Variants in ARHGEF4 observed in about 807,000 individuals in gnomAD.
The protein encoded by ARHGEF4 is Rho guanine nucleotide exchange factor 4, also known as APC-stimulated guanine nucleotide exchange factor 1.
In ARHGEF4, 119 loss-of-function variants were observed where a neutral mutation model predicts 162.0. The observed-to-expected ratio is 0.73, with a 90% CI of 0.63 to 0.86. The LOEUF (loss-of-function observed/expected upper bound fraction) is 0.86, where lower values mean the gene tolerates loss of function less well. ARHGEF4 is among the 40% of genes least tolerant of loss of function. The probability of loss-of-function intolerance (pLI) is 0.00; values close to 1 mark genes in which losing one functional copy is unlikely to be tolerated. For synonymous variants in ARHGEF4, 1,014 were observed against 979.9 expected (o/e 1.03, Z -0.65); for missense variants, 2,488 against 2,456.0 (o/e 1.01, Z -0.28).
chr2:130,905,571 C>T (rs1680765552), intron 1 of ARHGEF4, among the ~76,000 whole-genome samples: 2 of 151,616 alleles, frequency 1.3e-5, no homozygotes, highest in South Asian at 4.2e-4. Context: ...TTTTCTCCCC[C>T]ATTTTGCATT....
At chr2:131,033,743 C>A (rs750765061) in intron 5 of ARHGEF4, among the ~76,000 whole-genome samples, 1 of 152,134 alleles carries the variant, frequency 6.6e-6, no homozygotes, top group Admixed American at 6.5e-5. Context: ...AAGAACTGGG[C>A]ATGAGCAGTA....
chr2:130,896,806 G>GAGC (rs1404706986), intron 1 of ARHGEF4, among the ~76,000 whole-genome samples: 12 of 152,236 alleles, frequency 7.9e-5, no homozygotes, highest in African/African-American at 2.7e-4. Context: ...ACACCCTGAA[G>GAGC]AGCAGGGTCC....
chr2:130,855,204 T>A (rs1198972713), intron 1 of ARHGEF4, among the ~76,000 whole-genome samples: 1 of 151,844 alleles, frequency 6.6e-6, no homozygotes, highest in African/African-American at 2.4e-5. Context: ...AAACAAAAAG[T>A]TGGAGAACCC....
chr2:130,836,968 G>T lies in ARHGEF4; in HGVS notation c.15G>T (p.Val5=). Residue 5 remains valine (V), a synonymous_variant, in exon 1 of 14, where the codon GTG becomes GTT. Coordinates refer to ENST00000409359, the MANE Select transcript of ARHGEF4 (RefSeq NM_001367493.1). ...CGGCGGCCACCATGCTCAGCGTCGTGCACTTCCTCCGGAGCTTCTTCAAGG... is the reference window on the plus strand; with the variant it reads ...CGGCGGCCACCATGCTCAGCGTCGTTCACTTCCTCCGGAGCTTCTTCAAGG... MLSV[V]HFLRSFFKTP... is the part of the protein sequence containing the mutation. 1 of 1,226,872 alleles carries T rather than the reference G, an allele frequency of 8.2e-7. No individual in the cohort carries two copies. Among genetic ancestry groups the T allele is most frequent in the Non-Finnish European group, 1.0e-6 (1 of 984,748 alleles). The allele number at this position is 1,226,872 out of a possible 1,614,324, so 76.0% of individuals were successfully genotyped here.
At chr2:130,907,026 T>C (rs1471204556) in intron 1 of ARHGEF4, among the ~76,000 whole-genome samples, 1 of 152,136 alleles carries the variant, frequency 6.6e-6, no homozygotes, top group African/African-American at 2.4e-5. Flanking sequence ...AAAATCATTC[T>C]CTAGTCCCCA....
At chr2:130,843,090 T>C (rs1680714534) in intron 1 of ARHGEF4, among the ~76,000 whole-genome samples, 1 of 152,140 alleles carries the variant, frequency 6.6e-6, no homozygotes, top group Non-Finnish European at 1.5e-5. Context: ...TCTGCCTCCT[T>C]TCTATTTTCA....
chr2:130,957,682 G>A (rs2105179374), intron 4 of ARHGEF4, among the ~76,000 whole-genome samples: 1 of 152,238 alleles, frequency 6.6e-6, no homozygotes, highest in African/African-American at 2.4e-5. Flanking sequence ...CCTTTGGGAG[G>A]TAATTAGATC....
At chr2:130,992,908 AC>A (rs1424564180) in intron 4 of ARHGEF4, among the ~76,000 whole-genome samples, 4 of 152,118 alleles carry the variant, frequency 2.6e-5, no homozygotes. Context: ...GCATGGCAAA[AC>A]GCCGTCTCTA....
chr2:130,963,343 CCCCGCCGGCGCGCACGCCTG>C (rs1684748449), intron 4 of ARHGEF4, among the ~76,000 whole-genome samples: 1 of 152,068 alleles, frequency 6.6e-6, no homozygotes, highest in Admixed American at 6.5e-5. Flanking sequence ...AGCGCGCTCC[CCCCGCCGGCGCGCACGCCTG>C]CCCGCCGGGT....
At chr2:130,984,257 C>T (rs1686318422) in intron 4 of ARHGEF4, among the ~76,000 whole-genome samples, 1 of 152,144 alleles carries the variant, frequency 6.6e-6, no homozygotes, top group South Asian at 2.1e-4. Context: ...CAAAGGAGAG[C>T]ACCACATACT....
chr2:130,886,652 G>T (rs1679545442), intron 1 of ARHGEF4, among the ~76,000 whole-genome samples: 1 of 150,072 alleles, frequency 6.7e-6, no homozygotes, highest in South Asian at 2.1e-4. Flanking sequence ...CTGCACTCCA[G>T]CCTGGGTGGC....
intron 4 of ARHGEF4, among the ~76,000 whole-genome samples, chr2:131,024,061 G>A (rs1278163559): frequency 6.6e-6 from 1 of 152,194 alleles, no homozygotes; most frequent in Non-Finnish European, 1.5e-5. Flanking sequence ...TGGCTGTGCA[G>A]ATCTGCACTG....
intron 3 of ARHGEF4, among the ~76,000 whole-genome samples, chr2:130,937,420 GTACTT>G (rs1683024092): frequency 6.6e-6 from 1 of 151,676 alleles, no homozygotes; most frequent in South Asian, 2.1e-4. Context: ...TTTAATTATT[GTACTT>G]TTCAACTCCA....
intron 6 of ARHGEF4, chr2:131,039,418 G>A (rs1200033131): frequency 2.9e-6 from 3 of 1,040,492 alleles, no homozygotes; most frequent in East Asian, 8.9e-5. Context: ...GTTGAGGCAC[G>A]GTCAAGTTAT....
chr2:130,882,474 G>C (rs948459110), intron 1 of ARHGEF4, among the ~76,000 whole-genome samples: 3 of 151,984 alleles, frequency 2.0e-5, no homozygotes, highest in African/African-American at 4.8e-5. Context: ...TGAGCTTTCC[G>C]GTGGCTTTTT....
rs1678695273 is a variant in ARHGEF4 at position 130,874,430 on chromosome 2, T to C, written c.39+37438T>C. Among the ~76,000 whole-genome samples the C allele has an allele frequency of 2.0e-5, 3 of 152,226 alleles. No individual in the cohort carries two copies. In the South Asian group the frequency reaches 6.2e-4, roughly 31 times the overall value. ...AAGGTGTGTGCTCAGCACGCCTCTG[T>C]CTGTGTGGCCTTGGAGGGATCATGT... On this transcript the variant is annotated intron_variant, in intron 1 of 13. Coordinates refer to ENST00000409359, the MANE Select transcript of ARHGEF4 (RefSeq NM_001367493.1).
At chr2:130,934,583 C>A (rs905130400) in intron 3 of ARHGEF4, among the ~76,000 whole-genome samples, 2 of 152,146 alleles carry the variant, frequency 1.3e-5, no homozygotes, top group Admixed American at 1.3e-4. Flanking sequence ...CACTCTGTTA[C>A]CCAGGCTAGA....
rs760249838 is a variant in ARHGEF4, at chr2:131,046,134, G to A, written c.5576G>A (p.Arg1859His). Residue 1859 changes from arginine (R) to histidine (H), a missense_variant, in exon 14 of 14, where the codon CGC (arginine) becomes CAC (histidine). This residue lies in a region of ARHGEF4 where 415 missense variants were observed against 512.4 expected (regional missense o/e 0.81). Transcript: ENST00000409359. ...GTCCTGGTGCTGGCGGAGCCCAGGC[G>A]CAAGCCATCTACCTTCTGGCACAGC... Reference protein sequence around the residue: ...QQVLVLAEPRRKPSTFWHSIS... With the variant: ...QQVLVLAEPRHKPSTFWHSIS... The A allele has an allele frequency of 8.7e-6, 14 of 1,612,802 alleles. No homozygotes were observed. The highest frequency in any genetic ancestry group is 7.7e-5 in the South Asian group (7 of 91,078).
At chr2:130,847,330 AATGC>A (rs1348279259) in intron 1 of ARHGEF4, among the ~76,000 whole-genome samples, 2 of 152,194 alleles carry the variant, frequency 1.3e-5, no homozygotes, top group Non-Finnish European at 2.9e-5. Flanking sequence ...TGAGTGCCTC[AATGC>A]AGAGGAGGCC....
Sources: gnomAD v4.1 joint callset for allele counts (sites outside exome capture counted in the v4.1 genomes callset) on GRCh38, gnomAD v4.1.1 for gene constraint, gnomAD v4.1.1 regional missense constraint, MANE v1.5 for transcripts, NCBI Gene and HGNC (gene_info 2026-07-23, HGNC 2026-07-21) for gene names.